TTN: variants seen among roughly 807,000 people sequenced by gnomAD.
TTN encodes titin, also known as connectin.
Under a neutral mutation model 3,223.0 loss-of-function variants are expected in TTN, and 1,525 were observed. That is an observed-to-expected ratio of 0.47 (90% CI 0.45 to 0.49). The LOEUF (loss-of-function observed/expected upper bound fraction) is 0.49. Among genes scored for constraint, TTN ranks in the 20% least tolerant of loss-of-function variants. The pLI is 0.00. For synonymous variants in TTN, 14,094 were observed against 15,161.0 expected (o/e 0.93, Z 5.17); for missense variants, 40,786 against 43,424.0 (o/e 0.94, Z 5.40).
chr2:178,680,245 A>G lies in TTN; in HGVS notation c.33418+9T>C, dbSNP rs753817334. The G allele has an allele frequency of 4.3e-6, 7 of 1,611,646 alleles. No individual in the cohort carries two copies. The highest frequency in any genetic ancestry group is 1.1e-5 in the South Asian group (1 of 90,550). On this transcript the variant is annotated intron_variant, in intron 139 of 362. Transcript: ENST00000589042. ...CGAACAAAACATTAAAATGAGTGCCATTAGGTACCTCTAACAGGTGGTGCT... is the reference window on the plus strand; with the variant it reads ...CGAACAAAACATTAAAATGAGTGCCGTTAGGTACCTCTAACAGGTGGTGCT...
At chr2:178,660,586 C>T (rs1253167950) in intron 180 of TTN, among the ~76,000 whole-genome samples, 2 of 143,704 alleles carry the variant, frequency 1.4e-5, no homozygotes, top group African/African-American at 5.1e-5. Context: ...TAGAAGAAAA[C>T]CTAGGCAATA....
intron 147 of TTN, among the ~76,000 whole-genome samples, chr2:178,676,418 C>G (rs1320085996): frequency 1.3e-5 from 2 of 151,752 alleles, no homozygotes; most frequent in Admixed American, 6.6e-5. Context: ...GAGGGTTATG[C>G]TGATTTTAAG....
At position 178,651,883 on chromosome 2, in the gene TTN, C is replaced by T; in HGVS notation, c.39379+1G>A. ...GTCCTAGCAGCTTTCTTGCCATGTA[C>T]CTTGTGGAGGCGCCGCTGGCTCTGG... On this transcript the variant is annotated splice_donor_variant, in intron 205 of 362. Coordinates refer to ENST00000589042, the MANE Select transcript of TTN (RefSeq NM_001267550.2). LOFTEE classifies it high-confidence loss of function. 6.2e-7 allele frequency: 1 copy of T among 1,606,134 alleles called. No individual in the cohort carries two copies.
chr2:178,579,282 G>T lies in TTN; in HGVS notation c.67748C>A (p.Ser22583Tyr). ...PIKGKPAPSV[S>Y]WKKGEDPLAT... ...TAGAGGATCTTCCCCTTTCTTCCAG[G>T]AGACTGATGGAGCTGGCTTGCCTTT... Residue 22583 changes from serine (S) to tyrosine (Y), a missense_variant, in exon 320 of 363, where the codon TCC becomes TAC. Transcript: ENST00000589042. 1 of 1,613,188 alleles carries T rather than the reference G, an allele frequency of 6.2e-7. No homozygotes were observed. The highest frequency in any genetic ancestry group is 8.5e-7 in the Non-Finnish European group (1 of 1,179,512).
rs1274370581 is a variant in TTN at position 178,584,961 on chromosome 2, G to A, written c.64680C>T (p.Pro21560=). Residue 21560 remains proline, a synonymous_variant, in exon 310 of 363, where the codon CCC becomes CCT. Transcript: ENST00000589042. ...QKIKVVVMDA[P]GPPQPPFDIS... ...TGTCAAATGGAGGCTGAGGGGGGCC[G>A]GGGGCATCTACATGAACCAAGAGGA... The A allele has an allele frequency of 7.4e-6, 12 of 1,612,610 alleles. No homozygotes were observed. The highest frequency in any genetic ancestry group is 2.2e-5 in the East Asian group (1 of 44,734).
In TTN at chr2:178,753,219, A is replaced by C. The variant is rs1463698172; in HGVS notation, c.11255-39T>G. On this transcript the variant is annotated intron_variant, in intron 46 of 362. Coordinates refer to ENST00000589042, the MANE Select transcript of TTN (RefSeq NM_001267550.2). ...ACATATAAAGAGATTTTAGTGATTA[A>C]TTGCATATATTTTCTGCATCAATTC... is the stretch of plus-strand genomic sequence containing the variant. 4 of 1,479,634 alleles carry C rather than the reference A, an allele frequency of 2.7e-6. No homozygotes were observed. In the African/African-American group the frequency reaches 5.5e-5, roughly 20 times the overall value. 91.7% of individuals were successfully genotyped at this position (1,479,634 alleles called of 1,614,324 possible).
chr2:178,611,243 A>G lies in TTN; in HGVS notation c.50886T>C (p.His16962=), dbSNP rs1559777299. ...DCKPTIDLET[H]DIIVIEGEKL... ...TTTCACCTTCAATAACAATAATGTC[A>G]TGAGTCTCCAGGTCAATTGTTGGCT... Residue 16962 remains histidine (H), a synonymous_variant, in exon 270 of 363, where the codon CAT becomes CAC. Coordinates refer to ENST00000589042, the MANE Select transcript of TTN (RefSeq NM_001267550.2). The G allele has an allele frequency of 6.2e-7, 1 of 1,612,510 alleles. No individual in the cohort carries two copies. Among genetic ancestry groups the G allele is most frequent in the East Asian group, 2.2e-5 (1 of 44,562 alleles).
In TTN at chr2:178,543,670, A is replaced by G; in HGVS notation, c.96311-8T>C. On this transcript the variant is annotated splice_region_variant and splice_polypyrimidine_tract_variant and intron_variant, in intron 346 of 362. Transcript: ENST00000589042. The stretch of plus-strand genomic sequence containing the variant: ...GACAGGGACCAGGAGTATCTGAAAA[A>G]CAGAATGAAAGATTCATATTTCCTA... The G allele has an allele frequency of 6.4e-7, 1 of 1,565,864 alleles. No individual in the cohort carries two copies. Among genetic ancestry groups the G allele is most frequent in the Non-Finnish European group, 8.6e-7 (1 of 1,161,618 alleles).
At position 178,774,267 on chromosome 2, in the gene TTN, G is replaced by C. The variant is rs778177301; in HGVS notation, c.6997C>G (p.Gln2333Glu). The change falls in exon 30 of 363, where the codon CAG becomes GAG. Residue 2333 changes from glutamine to glutamate, a missense_variant. Coordinates refer to ENST00000589042, the MANE Select transcript of TTN (RefSeq NM_001267550.2). ...LTVKDVTKED[Q>E]GEYSFVIDGK... ...TCGATGACAAAGCTGTATTCTCCCT[G>C]GTCCTCCTTGGTTACATCCTTGACC... 4 of 1,614,026 alleles carry C rather than the reference G, an allele frequency of 2.5e-6. No homozygotes were observed. The highest frequency in any genetic ancestry group is 3.3e-5 in the Admixed American group (2 of 59,996).
At chr2:178,528,132 G>T in intron 361 of TTN, 142 bp downstream of exon 361, 1 of 951,420 alleles carries the variant, frequency 1.1e-6, no homozygotes, top group South Asian at 2.1e-5. Context: ...TTGACTACAA[G>T]AATGAATTCA....
At position 178,799,565 on chromosome 2, in the gene TTN, C is replaced by A; in HGVS notation, c.836G>T (p.Arg279Leu). 1 of 1,614,138 alleles carries A rather than the reference C, an allele frequency of 6.2e-7. No homozygotes were observed. Among genetic ancestry groups the A allele is most frequent in the Non-Finnish European group, 8.5e-7 (1 of 1,180,018 alleles). Residue 279 changes from arginine to leucine, a missense_variant, in exon 6 of 363, where the codon CGG becomes CTG. Arg to Leu is a moderately radical substitution (Grantham distance 102). Coordinates refer to ENST00000589042, the MANE Select transcript of TTN (RefSeq NM_001267550.2). ...TCTTATGGGCGATGGGGACTGCTGC[C>A]GAGCCAGCTGTGCTTTGGCAGCAAT... The part of the protein sequence containing the change: ...PSIAAKAQLA[R>L]QQSPSPIRHS...
rs2063440463 is a variant in TTN, at chr2:178,653,245, A to G, written c.38784T>C (p.Pro12928=). The G allele has an allele frequency of 6.2e-7, 1 of 1,612,016 alleles. No individual in the cohort carries two copies. The change falls in exon 198 of 363, where the codon CCT becomes CCC. Residue 12928 remains proline, a synonymous_variant. Coordinates refer to ENST00000589042, the MANE Select transcript of TTN (RefSeq NM_001267550.2). ...LAPPKKPEVP[P]VKVPEAPKEV... The stretch of plus-strand genomic sequence containing the variant: ...AAGGTCAGTGACAAATACCTTTAAC[A>G]GGTGGGACTTCAGGCTTTTTAGGAG...
Position 178,704,491 on chromosome 2 carries a change from T to C in TTN, c.29962+19A>G. 6.3e-7 allele frequency: 1 copy of C among 1,599,860 alleles called. No homozygotes were observed. Among genetic ancestry groups the C allele is most frequent in the Non-Finnish European group, 8.5e-7 (1 of 1,172,548 alleles). ...TAATTTAAATCTCACAAGTATTTCA[T>C]AAGCCTTTTCTAACTTACCAATTAC... On this transcript the variant is annotated intron_variant, in intron 105 of 362. Coordinates refer to ENST00000589042, the MANE Select transcript of TTN (RefSeq NM_001267550.2).
rs765594600 is a variant in TTN, at chr2:178,553,959, G to C, written c.89152C>G (p.Pro29718Ala). Reference protein sequence around the residue: ...VCAVNAAGQGPFSEPSEFYKA... With the variant: ...VCAVNAAGQGAFSEPSEFYKA... ...TAGAATTCAGATGGTTCAGAAAATGGACCCTGTCCAGCAGCGTTTACAGCA... is the reference window on the plus strand; with the variant it reads ...TAGAATTCAGATGGTTCAGAAAATGCACCCTGTCCAGCAGCGTTTACAGCA... Residue 29718 changes from proline to alanine, a missense_variant, in exon 333 of 363, where the codon CCA becomes GCA. By Grantham distance (27) the Pro-to-Ala change is conservative. Coordinates refer to ENST00000589042, the MANE Select transcript of TTN (RefSeq NM_001267550.2). The C allele has an allele frequency of 1.3e-5, 21 of 1,609,202 alleles. No individual in the cohort carries two copies. The highest frequency in any genetic ancestry group is 1.8e-5 in the Non-Finnish European group (21 of 1,178,908).
chr2:178,727,929 T>C (rs2079641295), intron 67 of TTN, 66 bp from the exon 68 acceptor site: 2 of 1,478,474 alleles, frequency 1.4e-6, no homozygotes, highest in Non-Finnish European at 1.8e-6. Context: ...GACAGTTTTA[T>C]GGACATTTAA....
rs752183514 is a variant in TTN, at chr2:178,776,679, T to C, written c.5185A>G (p.Ile1729Val). The C allele has an allele frequency of 5.0e-6, 8 of 1,614,146 alleles. No homozygotes were observed. The highest frequency in any genetic ancestry group is 1.3e-5 in the African/African-American group (1 of 75,068). ...PAHFECRLTPIGDPTMVVEWL... is the reference protein window; with the variant it reads ...PAHFECRLTPVGDPTMVVEWL... ...TCCACCACCATCGTTGGGTCACCAA[T>C]GGGTGTTAGCCTGCATTCAAAGTGG... The change falls in exon 28 of 363, where the codon ATT becomes GTT. Residue 1729 changes from isoleucine to valine, a missense_variant. By Grantham distance (29) the Ile-to-Val change is conservative (BLOSUM62 3). Transcript: ENST00000589042.
rs1702338720 is a variant in TTN, at chr2:178,558,438, C to T, written c.87021G>A (p.Glu29007=). ...ACACTCGGAAAAAGTATTCAGAATTCTCTCTCAGACCGGAAACAACGTGAT... is the reference window on the plus strand; with the variant it reads ...ACACTCGGAAAAAGTATTCAGAATTTTCTCTCAGACCGGAAACAACGTGAT... ...STHHVVSGLR[E]NSEYFFRVFA... is the part of the protein sequence containing the mutation. The change falls in exon 327 of 363, where the codon GAG becomes GAA. Residue 29007 remains glutamate, a synonymous_variant. Coordinates refer to ENST00000589042, the MANE Select transcript of TTN (RefSeq NM_001267550.2). The T allele has an allele frequency of 1.9e-6, 3 of 1,613,674 alleles. No individual in the cohort carries two copies. The highest frequency in any genetic ancestry group is 2.7e-5 in the African/African-American group (2 of 74,920).
rs369132541 is a variant in TTN, at chr2:178,739,464, G to A, written c.13769C>T (p.Thr4590Ile). The A allele has an allele frequency of 8.7e-6, 14 of 1,613,550 alleles. No homozygotes were observed. Among genetic ancestry groups the A allele is most frequent in the Non-Finnish European group, 1.0e-5 (12 of 1,179,844 alleles). The change falls in exon 48 of 363, where the codon ACA becomes ATA. Residue 4590 changes from threonine (T) to isoleucine (I), a missense_variant. By Grantham distance (89) the Thr-to-Ile change is moderately conservative (BLOSUM62 -1). Coordinates refer to ENST00000589042, the MANE Select transcript of TTN (RefSeq NM_001267550.2). ...SSESGTEEVA[T>I]VKIQEAEGGL... ...ACCCTCAGCTTCCTGTATCTTTACT[G>A]TAGCAACCTCCTCAGTACCACTTTC... is the stretch of plus-strand genomic sequence containing the variant.
At chr2:178,626,551 G>T (rs73973132) in intron 240 of TTN, among the ~76,000 whole-genome samples, 3,359 of 151,958 alleles carry the variant, frequency 0.022, 136 homozygotes, top group African/African-American at 0.078. Context: ...GTAAAGAAAA[G>T]AATCAGAAAT....
Sources: allele counts gnomAD v4.1 joint callset (sites outside exome capture counted in the v4.1 genomes callset), GRCh38; gene constraint gnomAD v4.1.1; transcripts MANE v1.5; gene names NCBI Gene and HGNC (gene_info 2026-07-23, HGNC 2026-07-21).